CHD1L: variants seen among roughly 807,000 people sequenced by gnomAD.
The protein encoded by CHD1L is ATP-dependent chromatin remodeler CHD1L.
Under a neutral mutation model 115.9 loss-of-function variants are expected in CHD1L, and 118 were observed. The observed-to-expected ratio is 1.02, with a 90% CI of 0.88 to 1.19. The LOEUF is 1.19. Among genes scored for constraint, CHD1L ranks in the 50% most tolerant of loss-of-function variants. The pLI, the probability that CHD1L is intolerant of heterozygous loss-of-function variation, is 0.00. For missense variants in CHD1L, 1,179 were observed against 1,065.3 expected (o/e 1.11, Z -1.49); for synonymous variants, 411 against 387.1 (o/e 1.06, Z -0.72).
chr1:147,285,871 T>A (rs1239610175), intron 17 of CHD1L, among the ~76,000 whole-genome samples: 3 of 152,022 alleles, frequency 2.0e-5, no homozygotes, highest in Admixed American at 6.6e-5. Flanking sequence ...TAATTTTTTT[T>A]ATTATTTGTA....
At chr1:147,284,848 G>T (rs1553964346) in intron 16 of CHD1L, among the ~76,000 whole-genome samples, 1 of 152,142 alleles carries the variant, frequency 6.6e-6, no homozygotes, top group African/African-American at 2.4e-5. Flanking sequence ...AATCATAAAT[G>T]ATATATGTAG....
At chr1:147,178,660 C>T in the CHD1L span, 3 of 1,574,102 alleles carry the variant, frequency 1.9e-6, no homozygotes, top group Non-Finnish European at 2.6e-6. Flanking sequence ...GGATAACTAC[C>T]GATTTGCACA....
chr1:147,264,624 G>A, intron 7 of CHD1L, 40 bp downstream of exon 7: 1 of 1,602,406 alleles, frequency 6.2e-7, no homozygotes, highest in Non-Finnish European at 8.5e-7. Flanking sequence ...AGAAGCCTTG[G>A]CACAGAAACC....
At position 147,276,242 on chromosome 1, in the gene CHD1L, C is replaced by A. The variant is rs369037152; in HGVS notation, c.1524C>A (p.Ala508=). The A allele has an allele frequency of 2.5e-6, 4 of 1,614,020 alleles. No homozygotes were observed. Among genetic ancestry groups the A allele is most frequent in the Non-Finnish European group, 8.5e-7 (1 of 1,180,014 alleles). The change falls in exon 14 of 23, where the codon GCC becomes GCA. Residue 508 remains alanine, a synonymous_variant. Transcript: ENST00000369258. ...CTCTGGGAGCCCAGAAACCCGCTGC[C>A]GATGCTGACCTCCAGGTATGATATG... The part of the protein sequence containing the change: ...HFTLGAQKPA[A]DADLQLSEIL...
chr1:147,249,594 T>C (rs868951138), intron 1 of CHD1L, among the ~76,000 whole-genome samples: 11 of 151,884 alleles, frequency 7.2e-5, no homozygotes, highest in Middle Eastern at 3.4e-3. Flanking sequence ...TTAGTAGAGA[T>C]GGGGTTTCAC....
the CHD1L span, among the ~76,000 whole-genome samples, chr1:147,189,137 G>T: frequency 2.0e-5 from 3 of 151,998 alleles, no homozygotes; most frequent in Non-Finnish European, 4.4e-5. Flanking sequence ...AGCTGGGTTT[G>T]GTGGTGTGCA....
the CHD1L span, among the ~76,000 whole-genome samples, chr1:147,205,348 G>A: frequency 6.6e-6 from 1 of 152,148 alleles, no homozygotes; most frequent in Non-Finnish European, 1.5e-5. Context: ...TATCTAAGTG[G>A]TCAAATTTAG....
chr1:147,227,299 T>C, the CHD1L span, among the ~76,000 whole-genome samples: 3 of 152,350 alleles, frequency 2.0e-5, no homozygotes, highest in South Asian at 4.1e-4. Context: ...TTGGATAATT[T>C]TGAATGCACT....
the CHD1L span, among the ~76,000 whole-genome samples, chr1:147,230,980 G>C: frequency 6.6e-6 from 1 of 151,188 alleles, no homozygotes; most frequent in African/African-American, 2.4e-5. Flanking sequence ...TTGATTTTTT[G>C]AAGGGTTTTT....
chr1:147,221,329 G>T, the CHD1L span, among the ~76,000 whole-genome samples: 1 of 152,034 alleles, frequency 6.6e-6, no homozygotes, highest in Non-Finnish European at 1.5e-5. Flanking sequence ...ATTTAAAAAC[G>T]TATCATACTA....
At chr1:147,205,669 G>A in the CHD1L span, among the ~76,000 whole-genome samples, 2 of 152,112 alleles carry the variant, frequency 1.3e-5, no homozygotes, top group Non-Finnish European at 1.5e-5. Context: ...ATGGGGAAAG[G>A]ATTCCCTATT....
At chr1:147,209,686 G>A in the CHD1L span, 1 of 152,202 alleles carries the variant, frequency 6.6e-6, no homozygotes, top group East Asian at 1.9e-4. Flanking sequence ...TCATTTTTAA[G>A]ACCCAGATCA....
chr1:147,190,196 G>A, the CHD1L span: 1 of 1,609,942 alleles, frequency 6.2e-7, no homozygotes. Context: ...ATTTCCTCTT[G>A]AGCTTTAGAT....
chr1:147,284,300 C>T (rs1297173239), intron 15 of CHD1L, 51 bp from the exon 16 acceptor site: 1 of 1,412,286 alleles, frequency 7.1e-7, no homozygotes, highest in Non-Finnish European at 9.6e-7. Flanking sequence ...TAGCATTAAT[C>T]TATTTTTCCT....
chr1:147,293,803 T>A, intron 21 of CHD1L, 81 bp downstream of exon 21: 1 of 1,168,906 alleles, frequency 8.6e-7, no homozygotes, highest in Non-Finnish European at 1.3e-6. Flanking sequence ...AGGTAAGAAA[T>A]GTCAAGATCC....
chr1:147,249,064 T>C (rs1553935078), intron 1 of CHD1L, among the ~76,000 whole-genome samples: 1 of 152,202 alleles, frequency 6.6e-6, no homozygotes, highest in African/African-American at 2.4e-5. Flanking sequence ...TCTTTTATCA[T>C]TTCCTTTTTT....
At chr1:147,209,721 CGCTGACTATTCAG>C in the CHD1L span, 6 of 152,340 alleles carry the variant, frequency 3.9e-5, no homozygotes, top group East Asian at 9.7e-4. Flanking sequence ...ATGAAGAAAC[CGCTGACTATTCAG>C]GCTGACAATT....
At chr1:147,253,680 T>G (rs1669125710) in intron 2 of CHD1L, among the ~76,000 whole-genome samples, 1 of 152,182 alleles carries the variant, frequency 6.6e-6, no homozygotes, top group South Asian at 2.1e-4. Flanking sequence ...AATTTTTTTG[T>G]AGAGATGAGG....
chr1:147,179,406 A>T, the CHD1L span: 23 of 1,597,764 alleles, frequency 1.4e-5, no homozygotes, highest in Admixed American at 1.8e-4. Context: ...ATATCGTCAT[A>T]GCCAAGATGG....
Sources: gnomAD v4.1 joint callset for allele counts (sites outside exome capture counted in the v4.1 genomes callset) on GRCh38, gnomAD v4.1.1 for gene constraint, MANE v1.5 for transcripts, NCBI Gene and HGNC (gene_info 2026-07-23, HGNC 2026-07-21) for gene names.